CSMD1: variants seen among roughly 807,000 people sequenced by gnomAD.
CSMD1 encodes CUB and Sushi multiple domains 1.
A neutral mutation model predicts 417.5 loss-of-function variants in CSMD1; 213 were observed. The observed-to-expected ratio is 0.51, with a 90% confidence interval of 0.46 to 0.57. The LOEUF is 0.57. Ranked by LOEUF, CSMD1 falls within the 20% of genes least tolerant of loss-of-function variation. The pLI, the probability that CSMD1 is intolerant of heterozygous loss-of-function variation, is 0.00. For missense variants in CSMD1, 6,923 were observed against 4,529.7 expected (o/e 1.53, Z -15.17); for synonymous variants, 2,862 against 1,736.8 (o/e 1.65, Z -16.11).
intron 36 of CSMD1, among the ~76,000 whole-genome samples, chr8:3,187,001 C>G (rs1353553003): frequency 6.6e-6 from 1 of 152,212 alleles, no homozygotes; most frequent in Non-Finnish European, 1.5e-5. Context: ...CTCAGCCTCC[C>G]AATGTAATGC....
intron 3 of CSMD1, among the ~76,000 whole-genome samples, chr8:4,293,301 C>T (rs554504823): frequency 1.2e-4 from 19 of 152,236 alleles, no homozygotes; most frequent in African/African-American, 4.3e-4. Flanking sequence ...AATTGGCCAG[C>T]ACAATGAGAA....
intron 5 of CSMD1, among the ~76,000 whole-genome samples, chr8:3,954,456 T>G (rs1238768168): frequency 6.6e-6 from 1 of 152,146 alleles, no homozygotes; most frequent in Non-Finnish European, 1.5e-5. Flanking sequence ...AACCTCCTCC[T>G]CCCGGGTTCA....
chr8:4,296,997 A>C (rs1353585215), intron 3 of CSMD1, among the ~76,000 whole-genome samples: 2 of 152,174 alleles, frequency 1.3e-5, no homozygotes, highest in Non-Finnish European at 2.9e-5. Context: ...AGAAGTACAA[A>C]GACAGGAATA....
At chr8:3,708,335 G>A in intron 7 of CSMD1, 79 bp downstream of exon 7, 1 of 1,159,444 alleles carries the variant, frequency 8.6e-7, no homozygotes, top group Non-Finnish European at 1.3e-6. Context: ...TGGTGGGTGG[G>A]ATCGCTTCTT....
At chr8:4,462,549 A>G (rs1051371158) in intron 2 of CSMD1, among the ~76,000 whole-genome samples, 5 of 152,200 alleles carry the variant, frequency 3.3e-5, no homozygotes, top group Admixed American at 3.3e-4. Context: ...CAATCTTTAA[A>G]AAAGAAAAAT....
At chr8:3,189,859 C>G (rs1186580151) in intron 34 of CSMD1, 53 bp downstream of exon 34, 1 of 1,474,260 alleles carries the variant, frequency 6.8e-7, no homozygotes, top group Non-Finnish European at 9.2e-7. Context: ...AGAAGTAACT[C>G]TTTGGCACCA....
chr8:3,777,450 G>T (rs1798953472), intron 5 of CSMD1, among the ~76,000 whole-genome samples: 1 of 152,136 alleles, frequency 6.6e-6, no homozygotes. Flanking sequence ...GGCTTCAAAG[G>T]GAGCAGTGCT....
chr8:3,484,805 T>C (rs1817932343), intron 11 of CSMD1, among the ~76,000 whole-genome samples: 1 of 152,220 alleles, frequency 6.6e-6, no homozygotes, highest in Non-Finnish European at 1.5e-5. Flanking sequence ...TGTCAGATAG[T>C]AAATAAGCAT....
intron 3 of CSMD1, among the ~76,000 whole-genome samples, chr8:4,413,169 T>C (rs777819361): frequency 2.0e-5 from 3 of 152,090 alleles, no homozygotes; most frequent in African/African-American, 4.8e-5. Context: ...ATAATCAGAG[T>C]TAACACCTTA....
chr8:4,658,094 AG>A (rs1804358007), intron 1 of CSMD1, among the ~76,000 whole-genome samples: 1 of 152,124 alleles, frequency 6.6e-6, no homozygotes, highest in Admixed American at 6.5e-5. Flanking sequence ...ACAGAGCTTA[AG>A]AAACACATGG....
In CSMD1 at chr8:3,009,086, C is replaced by A. The variant is rs182658569; in HGVS notation, c.8030-8955G>T. On this transcript the variant is annotated intron_variant, in intron 52 of 69. Coordinates refer to ENST00000635120, the MANE Select transcript of CSMD1 (RefSeq NM_033225.6). Reference sequence around the variant, plus strand: ...CCACAATGTCTCCCATGACAGCGGACAGACCTGGAGCCGTGCATTCTTTGG... The same window carrying A: ...CCACAATGTCTCCCATGACAGCGGAAAGACCTGGAGCCGTGCATTCTTTGG... Among the ~76,000 whole-genome samples, 51 of 152,336 alleles carry A rather than the reference C, an allele frequency of 3.3e-4. No individual in the cohort carries two copies. In the East Asian group the frequency reaches 9.3e-3, roughly 28 times the overall value.
Position 3,342,816 on chromosome 8 carries a change from A to G in CSMD1, c.3631+478T>C, listed in dbSNP as rs1270133919. Among the ~76,000 whole-genome samples, 3 of 152,144 alleles carry G rather than the reference A, an allele frequency of 2.0e-5. No individual in the cohort carries two copies. In the East Asian group the frequency reaches 5.8e-4, roughly 29 times the overall value. ...TCTCAAAAATTAATGGTGAAAAGAAAATAGTTTACTACATATTATGTAGTT... is the reference window on the plus strand; with the variant it reads ...TCTCAAAAATTAATGGTGAAAAGAAGATAGTTTACTACATATTATGTAGTT... On this transcript the variant is annotated intron_variant, in intron 23 of 69. Transcript: ENST00000635120.
intron 3 of CSMD1, among the ~76,000 whole-genome samples, chr8:4,364,824 CAAAAAAA>C (rs60925117): frequency 2.9e-4 from 25 of 84,914 alleles, no homozygotes; most frequent in Non-Finnish European, 5.4e-4. Flanking sequence ...GACTCCTTCT[CAAAAAAA>C]AAAAAAAAAA....
rs755320481 is a variant in CSMD1 at position 3,575,004 on chromosome 8, C to T, written c.1285G>A (p.Val429Ile). ...CAGTGTGCATTATCTTCATACTGAACCGGATAATTAGGGGAGGTAATGACG... is the reference window on the plus strand; with the variant it reads ...CAGTGTGCATTATCTTCATACTGAATCGGATAATTAGGGGAGGTAATGACG... ...SGVITSPNYP[V>I]QYEDNAHCVW... Residue 429 changes from valine to isoleucine, a missense_variant, in exon 10 of 70, where the codon GTT becomes ATT. Transcript: ENST00000635120. 1.2e-6 allele frequency: 2 copies of T among 1,613,338 alleles called. No homozygotes were observed. The highest frequency in any genetic ancestry group is 3.3e-5 in the Admixed American group (2 of 60,010).
intron 29 of CSMD1, among the ~76,000 whole-genome samples, chr8:3,218,357 C>A (rs186971409): frequency 6.6e-6 from 1 of 151,120 alleles, no homozygotes; most frequent in Non-Finnish European, 1.5e-5. Flanking sequence ...GTCAGGAGAT[C>A]GAGATCATCC....
intron 2 of CSMD1, among the ~76,000 whole-genome samples, chr8:4,433,467 C>G (rs934327491): frequency 6.6e-6 from 1 of 152,166 alleles, no homozygotes; most frequent in African/African-American, 2.4e-5. Context: ...GGTCAACGCA[C>G]TGGCTATCTG....
chr8:4,994,780 C>A lies in CSMD1; in HGVS notation c.-364G>T. Reference sequence around the variant, plus strand: ...AGCCAGGAGAGACCTGGAGAGGAGGCAGCTGGAGAGAGAGCCAGCGAGTGG... The same window carrying A: ...AGCCAGGAGAGACCTGGAGAGGAGGAAGCTGGAGAGAGAGCCAGCGAGTGG... On this transcript the variant is annotated 5_prime_UTR_variant, in exon 1 of 70. Coordinates refer to ENST00000635120, the MANE Select transcript of CSMD1 (RefSeq NM_033225.6). 1 of 218,434 alleles carries A rather than the reference C, an allele frequency of 4.6e-6. No homozygotes were observed. Among genetic ancestry groups the A allele is most frequent in the Non-Finnish European group, 8.9e-6 (1 of 111,738 alleles). 13.5% of individuals were successfully genotyped at this position (218,434 alleles called of 1,614,324 possible).
At chr8:4,281,091 G>T (rs1437373962) in intron 3 of CSMD1, among the ~76,000 whole-genome samples, 1 of 152,202 alleles carries the variant, frequency 6.6e-6, no homozygotes, top group African/African-American at 2.4e-5. Context: ...CCCCAGAGGT[G>T]TACCAGGATG....
chr8:3,706,490 G>C (rs992222960), intron 7 of CSMD1, among the ~76,000 whole-genome samples: 7 of 152,096 alleles, frequency 4.6e-5, no homozygotes, highest in Non-Finnish European at 1.0e-4. Context: ...TCCCATGCTT[G>C]ACAAATACTT....
Sources: gnomAD v4.1 joint callset for allele counts (sites outside exome capture counted in the v4.1 genomes callset) on GRCh38, gnomAD v4.1.1 for gene constraint, MANE v1.5 for transcripts, NCBI Gene and HGNC (gene_info 2026-07-23, HGNC 2026-07-21) for gene names.